MAT1A: variants seen among roughly 807,000 people sequenced by gnomAD.
MAT1A encodes the protein S-adenosylmethionine synthase isoform type-1.
A neutral mutation model predicts 44.0 loss-of-function variants in MAT1A; 19 were observed. The ratio of observed to expected loss-of-function variants is 0.43; its 90% CI spans 0.30 to 0.63. The LOEUF (loss-of-function observed/expected upper bound fraction) is 0.63. Among genes scored for constraint, MAT1A ranks in the 30% least tolerant of loss-of-function variants. The probability of loss-of-function intolerance (pLI) is 0.12; values close to 1 mark genes in which losing one functional copy is unlikely to be tolerated. For missense variants in MAT1A, 397 were observed against 531.0 expected (o/e 0.75, Z 2.48); for synonymous variants, 205 against 205.6 (o/e 1.00, Z 0.03).
intron 1 of MAT1A, among the ~76,000 whole-genome samples, chr10:80,286,981 C>T (rs1274259188): frequency 6.6e-6 from 1 of 152,214 alleles, no homozygotes. Flanking sequence ...CAGTGGCAGA[C>T]CCTGGTAGTA....
chr10:80,280,050 A>G, intron 5 of MAT1A, 123 bp downstream of exon 5: 1 of 1,159,960 alleles, frequency 8.6e-7, no homozygotes, highest in Non-Finnish European at 1.3e-6. Flanking sequence ...TTCAAAACTG[A>G]CCATTCTTTG....
chr10:80,289,242 T>C, intron 1 of MAT1A, 91 bp downstream of exon 1: 1 of 995,556 alleles, frequency 1.0e-6, no homozygotes, highest in Non-Finnish European at 1.6e-6. Context: ...TGCACAATTA[T>C]TATGTGTCAA....
intron 7 of MAT1A, 93 bp from the exon 8 acceptor site, chr10:80,274,746 G>C: frequency 6.5e-6 from 10 of 1,544,138 alleles, no homozygotes; most frequent in Non-Finnish European, 8.0e-6. Context: ...GACCAGCGGG[G>C]ACCACATGCC....
At position 80,273,579 on chromosome 10, in the gene MAT1A, A is replaced by G; in HGVS notation, c.*202T>C. 1 of 600,922 alleles carries G rather than the reference A, an allele frequency of 1.7e-6. No individual in the cohort carries two copies. The highest frequency in any genetic ancestry group is 3.0e-6 in the Non-Finnish European group (1 of 335,290). 37.2% of individuals were successfully genotyped at this position (600,922 alleles called of 1,614,324 possible). A position where few individuals can be genotyped will look rare whatever the true frequency, so the allele number is the denominator to read the frequency against. ...GCAGGAGAACACCATGCCCATCCTT[A>G]CATCAAGATCCAACCTCCAGCACCA... On this transcript the variant is annotated 3_prime_UTR_variant, in exon 9 of 9. Transcript: ENST00000372213.
intron 3 of MAT1A, among the ~76,000 whole-genome samples, chr10:80,281,018 G>A (rs1283081588): frequency 1.3e-5 from 2 of 152,140 alleles, no homozygotes; most frequent in Non-Finnish European, 2.9e-5. Flanking sequence ...ATTCTCCGTG[G>A]TGCATTTTAC....
intron 4 of MAT1A, 128 bp downstream of exon 4, chr10:80,280,552 T>C: frequency 2.0e-6 from 2 of 1,021,826 alleles, no homozygotes; most frequent in Non-Finnish European, 3.1e-6. Context: ...GCCGTGAAGC[T>C]GGGGTTCCCA....
intron 6 of MAT1A, chr10:80,275,481 T>G: frequency 2.0e-6 from 1 of 503,800 alleles, no homozygotes; most frequent in Non-Finnish European, 3.6e-6. Flanking sequence ...ATGCCTTTGT[T>G]ACTGAGTCCA....
rs142706729 is a variant in MAT1A, at chr10:80,289,276, C to T, written c.91+57G>A. 107 of 1,355,002 alleles carry T rather than the reference C, an allele frequency of 7.9e-5. 1 individual carries two copies. The East Asian group carries it at 2.4e-3, about 30-fold the overall frequency. The allele number at this position is 1,355,002 out of a possible 1,614,324, so 83.9% of individuals were successfully genotyped here. A position where few individuals can be genotyped will look rare whatever the true frequency, so the allele number is the denominator to read the frequency against. The stretch of plus-strand genomic sequence containing the variant: ...AAATTAAAACCATTTGTAAGTGACT[C>T]CCTCAGTATAGGCTTGGAATGATCG... On this transcript the variant is annotated intron_variant, in intron 1 of 8. Transcript: ENST00000372213.
rs1841557097 is a variant in MAT1A at position 80,280,809 on chromosome 10, T to A, written c.293-17A>T. ...AGTCAAAGCCTAGGCGGAAGCAAAG[T>A]GAGCCTAAGTGGGGAACAGGTCAGA... is the stretch of plus-strand genomic sequence containing the variant. On this transcript the variant is annotated splice_polypyrimidine_tract_variant and intron_variant, in intron 3 of 8. Transcript: ENST00000372213. 1.9e-6 allele frequency: 3 copies of A among 1,587,064 alleles called. No individual in the cohort carries two copies. The highest frequency in any genetic ancestry group is 1.3e-5 in the African/African-American group (1 of 74,360).
At chr10:80,289,098 A>G (rs1372948948) in intron 1 of MAT1A, among the ~76,000 whole-genome samples, 1 of 152,246 alleles carries the variant, frequency 6.6e-6, no homozygotes, top group Non-Finnish European at 1.5e-5. Flanking sequence ...CTGAAGGGCT[A>G]GAAGAGGGAA....
chr10:80,283,938 G>T lies in MAT1A; in HGVS notation c.270C>A (p.Ile90=). The change falls in exon 3 of 9, where the codon ATC becomes ATA. Residue 90 remains isoleucine, a synonymous_variant. Transcript: ENST00000372213. ...QRVVRDTIKH[I]GYDDSAKGFD... ...CACCCTTGGCTGAGTCATCGTAGCCGATGTGCTTGATGGTGTCCCTCACCA... is the reference window on the plus strand; with the variant it reads ...CACCCTTGGCTGAGTCATCGTAGCCTATGTGCTTGATGGTGTCCCTCACCA... 2 of 1,614,170 alleles carry T rather than the reference G, an allele frequency of 1.2e-6. No individual in the cohort carries two copies. The highest frequency in any genetic ancestry group is 1.7e-6 in the Non-Finnish European group (2 of 1,180,032).
intron 4 of MAT1A, 135 bp from the exon 5 acceptor site, chr10:80,280,451 AG>A: frequency 1.7e-6 from 2 of 1,199,800 alleles, no homozygotes; most frequent in Non-Finnish European, 2.4e-6. Flanking sequence ...TGGCATGTGC[AG>A]GGGAAGGACG....
chr10:80,273,466 C>T lies in MAT1A; in HGVS notation c.*315G>A, dbSNP rs542403185. Reference sequence around the variant, plus strand: ...GAGGGAGGGGGAGCTGGTCAGGGTCCAGCTGTTGGGGGAGACGAGTGAGGG... The same window carrying T: ...GAGGGAGGGGGAGCTGGTCAGGGTCTAGCTGTTGGGGGAGACGAGTGAGGG... On this transcript the variant is annotated 3_prime_UTR_variant, in exon 9 of 9. Coordinates refer to ENST00000372213, the MANE Select transcript of MAT1A (RefSeq NM_000429.3). 6 of 374,188 alleles carry T rather than the reference C, an allele frequency of 1.6e-5. No homozygotes were observed. The highest frequency in any genetic ancestry group is 6.3e-5 in the African/African-American group (3 of 47,636). 23.2% of individuals were successfully genotyped at this position (374,188 alleles called of 1,614,324 possible). A position where few individuals can be genotyped will look rare whatever the true frequency, so the allele number is the denominator to read the frequency against.
In MAT1A at chr10:80,289,629, C is replaced by T. The variant is rs1321122008; in HGVS notation, c.-206G>A. ...GAGAAGGGAGGGAGTGGATGGAACA[C>T]GGGATGTGTCCCTCCCTCCAGCTTG... On this transcript the variant is annotated 5_prime_UTR_variant, in exon 1 of 9. The change creates a new upstream start codon in the 5' untranslated region. Transcript: ENST00000372213. The T allele has an allele frequency of 1.1e-5, 7 of 611,260 alleles. No individual in the cohort carries two copies. In the East Asian group the frequency reaches 2.1e-4, roughly 18 times the overall value. The allele number at this position is 611,260 out of a possible 1,614,324, so 37.9% of individuals were successfully genotyped here. A position where few individuals can be genotyped will look rare whatever the true frequency, so the allele number is the denominator to read the frequency against.
chr10:80,272,304 T>C lies in MAT1A; in HGVS notation c.*1477A>G. 6.5e-6 allele frequency: 1 copy of C among 152,918 alleles called. No homozygotes were observed. The highest frequency in any genetic ancestry group is 1.5e-5 in the Non-Finnish European group (1 of 68,652). The allele number at this position is 152,918 out of a possible 1,614,324, so 9.5% of individuals were successfully genotyped here. A position where few individuals can be genotyped will look rare whatever the true frequency, so the allele number is the denominator to read the frequency against. On this transcript the variant is annotated 3_prime_UTR_variant, in exon 9 of 9. Coordinates refer to ENST00000372213, the MANE Select transcript of MAT1A (RefSeq NM_000429.3). ...AAGGTAGAGATGCTGCTGTCAGAGG[T>C]CCAGGCTAAGGACAAGTGGGGCAGG...
chr10:80,278,678 T>C (rs1589481461), intron 5 of MAT1A, among the ~76,000 whole-genome samples: 1 of 152,200 alleles, frequency 6.6e-6, no homozygotes, highest in Non-Finnish European at 1.5e-5. Flanking sequence ...TAAGCACACT[T>C]CCCTGCCCCA....
At chr10:80,281,604 G>T (rs1184472134) in intron 3 of MAT1A, among the ~76,000 whole-genome samples, 1 of 151,916 alleles carries the variant, frequency 6.6e-6, no homozygotes, top group Non-Finnish European at 1.5e-5. Context: ...CCCACCACAA[G>T]GTCAAGCATA....
intron 8 of MAT1A, among the ~76,000 whole-genome samples, chr10:80,274,172 A>G (rs1030757960): frequency 6.6e-6 from 1 of 152,128 alleles, no homozygotes; most frequent in African/African-American, 2.4e-5. Flanking sequence ...TGACACCACT[A>G]AGCTCTAGAA....
chr10:80,275,052 C>G lies in MAT1A; in HGVS notation c.916G>C (p.Val306Leu), dbSNP rs369601773. The G allele has an allele frequency of 1.6e-4, 245 of 1,563,980 alleles. No homozygotes were observed. Among genetic ancestry groups the G allele is most frequent in the Non-Finnish European group, 2.0e-4 (232 of 1,154,964 alleles). The change falls in exon 7 of 9, where the codon GTG (valine) becomes CTG (leucine). Residue 306 changes from valine to leucine, a missense_variant. Coordinates refer to ENST00000372213, the MANE Select transcript of MAT1A (RefSeq NM_000429.3). ...YAARWVAKSL[V>L]KAGLCRRVLV... The stretch of plus-strand genomic sequence containing the variant: ...ACTCTCCGGCAGAGCCCTGCTTTCA[C>G]CAGAGACTTGGCCACCCAGCGGGCA...
Sources: gnomAD v4.1 joint callset for allele counts (sites outside exome capture counted in the v4.1 genomes callset) on GRCh38, gnomAD v4.1.1 for gene constraint, MANE v1.5 for transcripts, NCBI Gene and HGNC (gene_info 2026-07-23, HGNC 2026-07-21) for gene names.